OSBPL10: variants seen among roughly 807,000 people sequenced by gnomAD.
OSBPL10 encodes oxysterol binding protein like 10.
OSBPL10 carries 49 observed loss-of-function variants against 81.7 expected under a neutral mutation model. The observed-to-expected ratio is 0.60, with a 90% CI of 0.48 to 0.76. OSBPL10 has a LOEUF of 0.76. Ranked by LOEUF, OSBPL10 falls within the 30% of genes least tolerant of loss-of-function variation. The pLI is 0.00. For synonymous variants in OSBPL10, 419 were observed against 383.6 expected, an observed-to-expected ratio of 1.09 and a Z score of -1.08; for missense variants, 923 against 987.8, an observed-to-expected ratio of 0.93 and a Z score of 0.88.
intron 2 of OSBPL10, among the ~76,000 whole-genome samples, chr3:32,024,836 C>A (rs2125547716): frequency 6.6e-6 from 1 of 152,116 alleles, no homozygotes; most frequent in Non-Finnish European, 1.5e-5. Flanking sequence ...ATATAATTAG[C>A]TTTGTATATT....
chr3:31,706,898 T>G (rs1454095651), intron 6 of OSBPL10, among the ~76,000 whole-genome samples: 1 of 152,152 alleles, frequency 6.6e-6, no homozygotes, highest in Non-Finnish European at 1.5e-5. Flanking sequence ...AGGTACTCTC[T>G]TTCCTGGCAC....
intron 1 of OSBPL10, among the ~76,000 whole-genome samples, chr3:31,922,495 G>A (rs1020433801): frequency 6.6e-6 from 1 of 152,094 alleles, no homozygotes; most frequent in Non-Finnish European, 1.5e-5. Context: ...GAGCGTGCTT[G>A]TAATCCCAGT....
At chr3:32,022,949 T>C (rs959684511) in intron 2 of OSBPL10, among the ~76,000 whole-genome samples, 2 of 152,094 alleles carry the variant, frequency 1.3e-5, no homozygotes, top group African/African-American at 2.4e-5. Context: ...GTCCCTCATA[T>C]TTGACATCTG....
chr3:31,715,612 C>T (rs181488960), intron 6 of OSBPL10, among the ~76,000 whole-genome samples: 1 of 152,284 alleles, frequency 6.6e-6, no homozygotes, highest in Non-Finnish European at 1.5e-5. Context: ...TTTACAAACA[C>T]CTCCATTTCA....
At position 31,916,096 on chromosome 3, in the gene OSBPL10, C is replaced by CA. The variant is rs1160687382; in HGVS notation, c.282-36267dup. Among the ~76,000 whole-genome samples, 656 of 82,232 alleles carry CA rather than the reference C, an allele frequency of 8.0e-3. 7 individuals are homozygous for CA. The highest frequency in any genetic ancestry group is 0.023 in the Middle Eastern group (4 of 172). 53.9% of individuals were successfully genotyped at this position (82,232 alleles called of 152,430 possible). A position where few individuals can be genotyped will look rare whatever the true frequency, so the allele number is the denominator to read the frequency against. On this transcript the variant is annotated intron_variant, in intron 1 of 11. Coordinates refer to ENST00000396556, the MANE Select transcript of OSBPL10 (RefSeq NM_017784.5). ...GGGTGACAAGAGTGAAACTCCGTCT[C>CA]AAAAAAAAAAAAAAAAAAAGAATCC...
At chr3:31,975,147 T>TAAG (rs1698658282) in intron 1 of OSBPL10, among the ~76,000 whole-genome samples, 1 of 152,172 alleles carries the variant, frequency 6.6e-6, no homozygotes, top group African/African-American at 2.4e-5. Context: ...TTTTGAACCA[T>TAAG]AAGTGAATAA....
chr3:31,672,329 T>C (rs1232024440), intron 8 of OSBPL10, among the ~76,000 whole-genome samples: 1 of 125,316 alleles, frequency 8.0e-6, no homozygotes, highest in Non-Finnish European at 1.6e-5. Context: ...TACATAAGCA[T>C]CTAAATCACT....
At chr3:31,825,476 C>G (rs1312409992) in intron 4 of OSBPL10, among the ~76,000 whole-genome samples, 1 of 152,064 alleles carries the variant, frequency 6.6e-6, no homozygotes, top group Admixed American at 6.6e-5. Context: ...CATGAGCCAC[C>G]ACACTTAGCA....
chr3:31,761,492 T>C (rs1242982225), intron 4 of OSBPL10, among the ~76,000 whole-genome samples: 1 of 146,306 alleles, frequency 6.8e-6, no homozygotes, highest in Non-Finnish European at 1.5e-5. Context: ...AAAAAAAAGT[T>C]TCCATATCCA....
chr3:31,859,316 A>C (rs1701004471), intron 3 of OSBPL10, among the ~76,000 whole-genome samples: 1 of 152,240 alleles, frequency 6.6e-6, no homozygotes, highest in African/African-American at 2.4e-5. Context: ...CGGATAGCTG[A>C]ATACAGGAGG....
At chr3:31,762,451 C>T (rs1210775682) in intron 4 of OSBPL10, among the ~76,000 whole-genome samples, 2 of 151,936 alleles carry the variant, frequency 1.3e-5, no homozygotes, top group Non-Finnish European at 2.9e-5. Context: ...TCTGTCTTGG[C>T]CACAAGCAAG....
intron 4 of OSBPL10, among the ~76,000 whole-genome samples, chr3:31,802,759 G>T (rs1199728031): frequency 6.6e-6 from 1 of 151,982 alleles, no homozygotes; most frequent in East Asian, 1.9e-4. Context: ...GAATAAAAGT[G>T]AAATCCATTA....
At chr3:31,943,987 A>G (rs1276062498) in intron 1 of OSBPL10, among the ~76,000 whole-genome samples, 1 of 150,750 alleles carries the variant, frequency 6.6e-6, no homozygotes, top group Non-Finnish European at 1.5e-5. Context: ...AAAAAAAAAA[A>G]AAAAAAAAGT....
chr3:31,846,179 A>AT (rs1357621944), intron 3 of OSBPL10, among the ~76,000 whole-genome samples: 10 of 152,076 alleles, frequency 6.6e-5, no homozygotes, highest in Non-Finnish European at 2.9e-5. Flanking sequence ...CACTACGCTA[A>AT]TTTTTTAATT....
In OSBPL10 at chr3:32,062,277, G is replaced by A. The variant is rs192039602; in HGVS notation, n.185+15119C>T. Reference sequence around the variant, plus strand: ...GCACCATTACACCCAGCTAATTTTTGTATTTTTAGTAGAGATGGGCTTTCA... The same window carrying A: ...GCACCATTACACCCAGCTAATTTTTATATTTTTAGTAGAGATGGGCTTTCA... On this transcript the variant is annotated intron_variant and non_coding_transcript_variant, in intron 1 of 3. Coordinates refer to the OSBPL10 transcript ENST00000479173. Among the ~76,000 whole-genome samples, 22 of 93,286 alleles carry A rather than the reference G, an allele frequency of 2.4e-4. 7 individuals are homozygous for A. The highest frequency in any genetic ancestry group is 4.6e-4 in the Non-Finnish European group (16 of 34,726). 61.2% of individuals were successfully genotyped at this position (93,286 alleles called of 152,430 possible). A position where few individuals can be genotyped will look rare whatever the true frequency, so the allele number is the denominator to read the frequency against.
chr3:31,948,419 A>T (rs1697764082), intron 1 of OSBPL10, among the ~76,000 whole-genome samples: 1 of 152,114 alleles, frequency 6.6e-6, no homozygotes, highest in Admixed American at 6.5e-5. Flanking sequence ...CTGAAGGCTT[A>T]CCTCCCAAGT....
At chr3:31,906,002 G>A (rs1048273949) in intron 1 of OSBPL10, among the ~76,000 whole-genome samples, 2 of 151,922 alleles carry the variant, frequency 1.3e-5, no homozygotes, top group Non-Finnish European at 2.9e-5. Context: ...CTACTCTCCT[G>A]TAGAAGGAAT....
chr3:31,778,199 G>A (rs1698595096), intron 4 of OSBPL10, among the ~76,000 whole-genome samples: 1 of 152,194 alleles, frequency 6.6e-6, no homozygotes, highest in Non-Finnish European at 1.5e-5. Flanking sequence ...TAGCAAGACT[G>A]GCCTTGCCAA....
chr3:31,866,240 C>T (rs945977947), intron 3 of OSBPL10, among the ~76,000 whole-genome samples: 1 of 152,140 alleles, frequency 6.6e-6, no homozygotes, highest in East Asian at 1.9e-4. Context: ...AACAAACAAA[C>T]CCTTTAATTC....
Sources: allele counts gnomAD v4.1 joint callset (sites outside exome capture counted in the v4.1 genomes callset), GRCh38; gene constraint gnomAD v4.1.1; transcripts MANE v1.5; gene names NCBI Gene and HGNC (gene_info 2026-07-23, HGNC 2026-07-21).